Variants in KLHL1 observed in about 807,000 individuals in gnomAD.
The protein encoded by KLHL1 is kelch-like protein 1.
In KLHL1, 47 loss-of-function variants were observed where a neutral mutation model predicts 77.7. That is an observed-to-expected ratio of 0.60 (90% CI 0.48 to 0.77). The LOEUF (loss-of-function observed/expected upper bound fraction) is 0.77, where lower values mean the gene tolerates loss of function less well. KLHL1 is among the 30% of genes least tolerant of loss of function. The pLI is 0.00. For missense variants in KLHL1, 925 were observed against 910.8 expected, an observed-to-expected ratio of 1.02 and a Z score of -0.20; for synonymous variants, 360 against 325.2, an observed-to-expected ratio of 1.11 and a Z score of -1.15.
rs372063493 is a variant in KLHL1, at chr13:70,075,617, C to T, written c.497+31586G>A. On this transcript the variant is annotated intron_variant, in intron 1 of 10. Transcript: ENST00000377844. ...CACACACACATATATATAGGACTTA[C>T]ATATATATATGTATATATATATAGG... 4.1e-5 allele frequency among the ~76,000 whole-genome samples: 5 copies of T among 122,662 alleles called. 1 individual carries two copies. The highest frequency in any genetic ancestry group is 9.2e-5 in the African/African-American group (3 of 32,560). 80.5% of individuals were successfully genotyped at this position (122,662 alleles called of 152,430 possible).
chr13:69,893,548 A>G (rs976168703), intron 4 of KLHL1, among the ~76,000 whole-genome samples: 3 of 152,190 alleles, frequency 2.0e-5, no homozygotes, highest in Non-Finnish European at 4.4e-5. Context: ...ATATTTCTCG[A>G]GTTTGTCAAA....
chr13:70,084,458 C>CTTTTTT (rs1386556599), intron 1 of KLHL1, among the ~76,000 whole-genome samples: 5 of 62,752 alleles, frequency 8.0e-5, no homozygotes, highest in African/African-American at 3.5e-4. Context: ...TCTATTTCTT[C>CTTTTTT]TTCTTCTTTT....
intron 5 of KLHL1, among the ~76,000 whole-genome samples, chr13:69,870,784 C>T (rs117272803): frequency 6.6e-6 from 1 of 151,870 alleles, no homozygotes; most frequent in African/African-American, 2.4e-5. Context: ...TAAATCTTGA[C>T]ACTCCAAAAT....
At chr13:69,785,187 C>T (rs931675009) in intron 7 of KLHL1, among the ~76,000 whole-genome samples, 43 of 151,944 alleles carry the variant, frequency 2.8e-4, no homozygotes, top group Admixed American at 8.5e-4. Flanking sequence ...CCACCGCGCC[C>T]GGCCCAGAAT....
intron 7 of KLHL1, among the ~76,000 whole-genome samples, chr13:69,781,217 G>T (rs1876177033): frequency 6.6e-6 from 1 of 150,718 alleles, no homozygotes. Flanking sequence ...TACCTTTCCT[G>T]AAAAGGAAAG....
At chr13:69,731,061 T>C (rs550104964) in intron 8 of KLHL1, among the ~76,000 whole-genome samples, 1 of 152,070 alleles carries the variant, frequency 6.6e-6, no homozygotes, top group Admixed American at 6.5e-5. Flanking sequence ...AGAGAAAATG[T>C]GAATATAAAT....
At chr13:70,027,997 C>T (rs1393156641) in intron 1 of KLHL1, among the ~76,000 whole-genome samples, 1 of 151,990 alleles carries the variant, frequency 6.6e-6, no homozygotes, top group Non-Finnish European at 1.5e-5. Flanking sequence ...TGAAGAAATT[C>T]CTAAAAGAAA....
intron 5 of KLHL1, among the ~76,000 whole-genome samples, chr13:69,841,691 G>A (rs1448197392): frequency 6.6e-6 from 1 of 151,618 alleles, no homozygotes; most frequent in Non-Finnish European, 1.5e-5. Context: ...TTTTTTCACA[G>A]AATTGGATAA....
rs1368648204 is a variant in KLHL1 at position 69,740,597 on chromosome 13, AT to A, written c.1640-42del. On this transcript the variant is annotated intron_variant, in intron 7 of 10. Transcript: ENST00000377844. ...AATGAATGTAGTGCCTATAGTTAAT[AT>A]CATATTGTACATTTAAAAATCTGTT... The A allele has an allele frequency of 6.9e-6, 10 of 1,455,990 alleles. No individual in the cohort carries two copies. The Admixed American group carries it at 1.8e-4, about 26-fold the overall frequency. The allele number at this position is 1,455,990 out of a possible 1,614,324, so 90.2% of individuals were successfully genotyped here. A position where few individuals can be genotyped will look rare whatever the true frequency, so the allele number is the denominator to read the frequency against.
chr13:69,870,675 C>G (rs555685524), intron 5 of KLHL1, among the ~76,000 whole-genome samples: 2 of 151,786 alleles, frequency 1.3e-5, no homozygotes, highest in South Asian at 4.2e-4. Context: ...AATGGTTATG[C>G]AAGCATCGGG....
chr13:69,954,553 T>C (rs1298485506), intron 3 of KLHL1, among the ~76,000 whole-genome samples: 1 of 151,208 alleles, frequency 6.6e-6, no homozygotes, highest in Non-Finnish European at 1.5e-5. Context: ...TTTTCTTACT[T>C]CAAAACCCAG....
At chr13:70,051,918 T>G (rs1220190802) in intron 1 of KLHL1, among the ~76,000 whole-genome samples, 1 of 150,340 alleles carries the variant, frequency 6.7e-6, no homozygotes, top group Non-Finnish European at 1.5e-5. Flanking sequence ...TAAAGATTTT[T>G]GTCCTATCTT....
intron 9 of KLHL1, among the ~76,000 whole-genome samples, chr13:69,717,233 T>A (rs2137889822): frequency 6.6e-6 from 1 of 152,340 alleles, no homozygotes; most frequent in Admixed American, 6.5e-5. Flanking sequence ...CTATTCTTGC[T>A]ATTTCTAATG....
intron 7 of KLHL1, among the ~76,000 whole-genome samples, chr13:69,792,316 A>T (rs1876908681): frequency 6.6e-6 from 1 of 152,198 alleles, no homozygotes; most frequent in African/African-American, 2.4e-5. Flanking sequence ...TCTCAAAAAT[A>T]ATTAGAAATG....
At chr13:69,845,523 A>G (rs1335422629) in intron 5 of KLHL1, among the ~76,000 whole-genome samples, 2 of 151,642 alleles carry the variant, frequency 1.3e-5, no homozygotes, top group Admixed American at 1.3e-4. Context: ...TTACTCTGTG[A>G]GCAATTTCAA....
intron 1 of KLHL1, among the ~76,000 whole-genome samples, chr13:69,977,703 CATT>C (rs1433021655): frequency 1.3e-5 from 2 of 152,078 alleles, no homozygotes; most frequent in Non-Finnish European, 2.9e-5. Context: ...ATTTGGAAAA[CATT>C]ATATTTTATT....
intron 3 of KLHL1, among the ~76,000 whole-genome samples, chr13:69,944,392 C>A (rs1267414494): frequency 6.6e-6 from 1 of 152,182 alleles, no homozygotes; most frequent in Non-Finnish European, 1.5e-5. Context: ...TTTCATTTGG[C>A]CTTCGCCCCA....
At chr13:69,906,444 G>A (rs1019084764) in intron 4 of KLHL1, among the ~76,000 whole-genome samples, 5 of 151,964 alleles carry the variant, frequency 3.3e-5, no homozygotes, top group South Asian at 2.1e-4. Flanking sequence ...TTTGCAAACC[G>A]GGAAAACAGA....
chr13:69,939,542 G>A (rs1052297485), intron 4 of KLHL1, among the ~76,000 whole-genome samples: 2 of 151,780 alleles, frequency 1.3e-5, no homozygotes, highest in African/African-American at 4.8e-5. Flanking sequence ...AGCTGTGGAA[G>A]TGAATGTACA....
Sources: allele counts gnomAD v4.1 joint callset (sites outside exome capture counted in the v4.1 genomes callset), GRCh38; gene constraint gnomAD v4.1.1; transcripts MANE v1.5; gene names NCBI Gene and HGNC (gene_info 2026-07-23, HGNC 2026-07-21).